CLDN18: variants seen among roughly 807,000 people sequenced by gnomAD.
CLDN18 encodes the protein claudin-18.
CLDN18 carries 20 observed loss-of-function variants against 25.0 expected under a neutral mutation model. The ratio of observed to expected loss-of-function variants is 0.80; its 90% CI spans 0.56 to 1.16. The LOEUF (loss-of-function observed/expected upper bound fraction) is 1.16. Ranked by LOEUF, CLDN18 falls within the 50% of genes most tolerant of loss-of-function variation. The pLI is 0.00. For synonymous variants in CLDN18, 125 were observed against 135.6 expected, an observed-to-expected ratio of 0.92 and a Z score of 0.54; for missense variants, 297 against 345.4, an observed-to-expected ratio of 0.86 and a Z score of 1.11.
chr3:138,000,031 T>C (rs1338916753), intron 1 of CLDN18, among the ~76,000 whole-genome samples: 1 of 152,184 alleles, frequency 6.6e-6, no homozygotes, highest in Non-Finnish European at 1.5e-5. Context: ...ATATGGGGCT[T>C]TCTCCTCCAG....
chr3:138,015,183 G>A (rs1942189116), intron 1 of CLDN18, among the ~76,000 whole-genome samples: 1 of 152,072 alleles, frequency 6.6e-6, no homozygotes, highest in Admixed American at 6.5e-5. Context: ...GTAAGAATGG[G>A]CAGGAAGATT....
intron 4 of CLDN18, 99 bp from the exon 5 acceptor site, chr3:138,030,870 TG>T: frequency 1.8e-6 from 2 of 1,134,714 alleles, no homozygotes; most frequent in Non-Finnish European, 2.5e-6. Context: ...CCAGGGACAC[TG>T]GACTTTCAGT....
rs867790447 is a variant in CLDN18 at position 138,033,608 on chromosome 3, A to T, written c.*2467A>T. 6.6e-6 allele frequency: 1 copy of T among 152,152 alleles called. No homozygotes were observed. Among genetic ancestry groups the T allele is most frequent in the Admixed American group, 6.5e-5 (1 of 15,282 alleles). 9.4% of individuals were successfully genotyped at this position (152,152 alleles called of 1,614,324 possible). A position where few individuals can be genotyped will look rare whatever the true frequency, so the allele number is the denominator to read the frequency against. The stretch of plus-strand genomic sequence containing the variant: ...TGTATATGCATTGAGTATTAACCTG[A>T]ATGTTTTGTTACTTAAATATTAAAA... On this transcript the variant is annotated 3_prime_UTR_variant, in exon 5 of 5. Coordinates refer to ENST00000183605, the MANE Select transcript of CLDN18 (RefSeq NM_016369.4).
At chr3:138,010,709 G>A (rs1433695116) in intron 1 of CLDN18, among the ~76,000 whole-genome samples, 2 of 152,228 alleles carry the variant, frequency 1.3e-5, no homozygotes, top group Non-Finnish European at 2.9e-5. Flanking sequence ...GTAAGGGTAT[G>A]TTCATGATAC....
chr3:138,030,851 G>C (rs933855438), intron 4 of CLDN18, 119 bp from the exon 5 acceptor site: 1 of 919,688 alleles, frequency 1.1e-6, no homozygotes, highest in Non-Finnish European at 1.7e-6. Flanking sequence ...GCCCCGGACT[G>C]ATGGGTTTCC....
In CLDN18 at chr3:138,010,271, C is replaced by T. The variant is rs373852186; in HGVS notation, c.46C>T (p.Leu16=). ...CQVVAFLLSI[L]GLAGCIAATG... is the part of the protein sequence containing the mutation. ...AGTGGTGGCGTTCCTCCTGTCCATC[C>T]TGGGGCTGGCCGGCTGCATCGCGGC... The change falls in exon 1 of 5, where the codon CTG becomes TTG. Residue 16 remains leucine, a synonymous_variant. Transcript: ENST00000183605. 5 of 1,613,966 alleles carry T rather than the reference C, an allele frequency of 3.1e-6. No individual in the cohort carries two copies. Among genetic ancestry groups the T allele is most frequent in the Non-Finnish European group, 4.2e-6 (5 of 1,180,014 alleles).
exon 1 of CLDN18, chr3:137,998,931 C>A: frequency 6.2e-7 from 1 of 1,614,256 alleles, no homozygotes. Flanking sequence ...TTGCGGGCAT[C>A]ATTGCTGCCA....
At chr3:138,022,401 G>C (rs185520690) in intron 1 of CLDN18, among the ~76,000 whole-genome samples, 20 of 152,238 alleles carry the variant, frequency 1.3e-4, no homozygotes, top group Admixed American at 1.1e-3. Context: ...AAGAGTTCTG[G>C]TACCGAAATC....
upstream of CLDN18, among the ~76,000 whole-genome samples, chr3:138,008,674 C>T (rs1477243859): frequency 6.6e-6 from 1 of 151,970 alleles, no homozygotes; most frequent in Non-Finnish European, 1.5e-5. Flanking sequence ...GCCTGTAATC[C>T]CAGCACTTTG....
chr3:138,010,052 C>A, upstream of CLDN18: 4 of 1,078,470 alleles, frequency 3.7e-6, no homozygotes, highest in Non-Finnish European at 5.2e-6. Flanking sequence ...AAAAATAATG[C>A]CCTTGAACCA....
rs1425108445 is a variant in CLDN18 at position 138,024,139 on chromosome 3, T to A, written c.385+317T>A. On this transcript the variant is annotated intron_variant, in intron 2 of 4. Coordinates refer to ENST00000183605, the MANE Select transcript of CLDN18 (RefSeq NM_016369.4). ...CAGCCTAGGCAGCATTGTGACACCC[T>A]ATGTCGATTAAAAGAAAATTTTTTT... Among the ~76,000 whole-genome samples the A allele has an allele frequency of 2.6e-5, 4 of 151,760 alleles. No individual in the cohort carries two copies. In the East Asian group the frequency reaches 7.7e-4, roughly 29 times the overall value.
chr3:138,026,917 G>A (rs1035290205), intron 3 of CLDN18, among the ~76,000 whole-genome samples: 11 of 152,158 alleles, frequency 7.2e-5, no homozygotes, highest in African/African-American at 2.7e-4. Flanking sequence ...TCATACCTCG[G>A]TGCCAGTCAG....
chr3:138,010,101 A>G (rs1489440407), upstream of CLDN18: 8 of 1,424,688 alleles, frequency 5.6e-6, no homozygotes, highest in Admixed American at 2.6e-5. Flanking sequence ...CACTGTGAGC[A>G]AATACTGAGA....
intron 1 of CLDN18, among the ~76,000 whole-genome samples, chr3:138,012,695 C>T (rs143157640): frequency 1.3e-5 from 2 of 152,386 alleles, no homozygotes; most frequent in African/African-American, 2.4e-5. Flanking sequence ...CGTGACACTG[C>T]TCTCAAATCT....
intron 1 of CLDN18, among the ~76,000 whole-genome samples, chr3:138,016,661 T>TA (rs1208889350): frequency 6.6e-6 from 1 of 152,138 alleles, no homozygotes; most frequent in Admixed American, 6.5e-5. Context: ...GCCTTACAGT[T>TA]AGAGGGAAGT....
At chr3:138,007,346 T>C (rs535828385), upstream of CLDN18, among the ~76,000 whole-genome samples, 353 of 152,316 alleles carry the variant, frequency 2.3e-3, 2 homozygotes, top group African/African-American at 8.1e-3. Context: ...ATATACACCA[T>C]AGAATACTAT....
intron 1 of CLDN18, among the ~76,000 whole-genome samples, chr3:138,020,336 G>T (rs1002031512): frequency 6.6e-6 from 1 of 152,172 alleles, no homozygotes; most frequent in Non-Finnish European, 1.5e-5. Flanking sequence ...AGTTTCTTTA[G>T]GAGAAGAGAA....
At chr3:138,022,023 T>C (rs1942276476) in intron 1 of CLDN18, among the ~76,000 whole-genome samples, 1 of 152,196 alleles carries the variant, frequency 6.6e-6, no homozygotes. Flanking sequence ...GGAATGTATG[T>C]GGACCATAGG....
intron 1 of CLDN18, among the ~76,000 whole-genome samples, chr3:138,013,328 T>C (rs1219047498): frequency 1.3e-5 from 2 of 152,228 alleles, no homozygotes; most frequent in Non-Finnish European, 1.5e-5. Flanking sequence ...TTGCAGAGAC[T>C]AGAGTTCAGG....
Sources: allele counts gnomAD v4.1 joint callset (sites outside exome capture counted in the v4.1 genomes callset), GRCh38; gene constraint gnomAD v4.1.1; transcripts MANE v1.5; gene names NCBI Gene and HGNC (gene_info 2026-07-23, HGNC 2026-07-21).